The following RCSD1 variants were observed in gnomAD, a reference collection of about 807,000 sequenced individuals.
RCSD1 encodes the protein RCSD domain containing 1.
RCSD1 carries 26 observed loss-of-function variants against 42.5 expected under a neutral mutation model. The observed-to-expected ratio is 0.61, with a 90% CI of 0.45 to 0.85. The LOEUF (loss-of-function observed/expected upper bound fraction) is 0.85. Among genes scored for constraint, RCSD1 ranks in the 40% least tolerant of loss-of-function variants. The probability of loss-of-function intolerance (pLI) is 0.00; values close to 1 mark genes in which losing one functional copy is unlikely to be tolerated. For missense variants in RCSD1, 571 were observed against 528.3 expected (o/e 1.08, Z -0.79); for synonymous variants, 220 against 212.2 (o/e 1.04, Z -0.32).
At chr1:167,696,400 A>T (rs1659498350) in intron 5 of RCSD1, among the ~76,000 whole-genome samples, 1 of 152,062 alleles carries the variant, frequency 6.6e-6, no homozygotes, top group Non-Finnish European at 1.5e-5. Context: ...AAGATGGTAA[A>T]ACTTAGTCAA....
chr1:167,645,574 A>G (rs991477365), intron 1 of RCSD1, among the ~76,000 whole-genome samples: 4 of 152,214 alleles, frequency 2.6e-5, no homozygotes, highest in Admixed American at 2.0e-4. Flanking sequence ...AGAGGGTGAC[A>G]TCAGAGTGGC....
At chr1:167,640,208 A>C (rs1657971138) in intron 1 of RCSD1, among the ~76,000 whole-genome samples, 2 of 152,150 alleles carry the variant, frequency 1.3e-5, no homozygotes. Flanking sequence ...AAACAACAGA[A>C]ACGTCTCCTT....
chr1:167,652,876 T>C (rs544706175), intron 1 of RCSD1, among the ~76,000 whole-genome samples: 1 of 152,374 alleles, frequency 6.6e-6, no homozygotes, highest in East Asian at 1.9e-4. Flanking sequence ...TTTAGATGGC[T>C]TCTAATTTTT....
At chr1:167,680,087 G>A (rs1157333469) in intron 1 of RCSD1, among the ~76,000 whole-genome samples, 2 of 152,110 alleles carry the variant, frequency 1.3e-5, no homozygotes, top group Non-Finnish European at 2.9e-5. Context: ...TGGCCCAGCT[G>A]GAAGGTAGCA....
chr1:167,660,208 G>A (rs538075096), intron 1 of RCSD1, among the ~76,000 whole-genome samples: 154 of 152,250 alleles, frequency 1.0e-3, no homozygotes, highest in African/African-American at 3.6e-3. Flanking sequence ...CTCACTTTTA[G>A]ATGAGGCCCC....
intron 1 of RCSD1, among the ~76,000 whole-genome samples, chr1:167,681,842 G>A (rs1001992226): frequency 4.6e-5 from 7 of 152,118 alleles, no homozygotes; most frequent in African/African-American, 1.4e-4. Context: ...CCTCTCTCTC[G>A]TTGTTCCATT....
intron 3 of RCSD1, among the ~76,000 whole-genome samples, chr1:167,686,535 GA>G (rs756762695): frequency 6.6e-6 from 1 of 152,202 alleles, no homozygotes; most frequent in East Asian, 1.9e-4. Context: ...GGCCAAGTGA[GA>G]TGGGGGAGGG....
At chr1:167,696,295 G>A (rs1343460555) in intron 5 of RCSD1, among the ~76,000 whole-genome samples, 1 of 151,830 alleles carries the variant, frequency 6.6e-6, no homozygotes, top group African/African-American at 2.4e-5. Context: ...CTTTTTTACT[G>A]GATAGGAAGC....
Position 167,704,882 on chromosome 1 carries a change from G to A in RCSD1, c.*186G>A. On this transcript the variant is annotated 3_prime_UTR_variant, in exon 7 of 7. Transcript: ENST00000367854. Reference sequence around the variant, plus strand: ...CACACCAAACGTTCCCTTGCAGATGGAGACTGAATCTGAGGGCAGCAGACT... The same window carrying A: ...CACACCAAACGTTCCCTTGCAGATGAAGACTGAATCTGAGGGCAGCAGACT... 1.7e-6 allele frequency: 1 copy of A among 571,988 alleles called. No homozygotes were observed. Among genetic ancestry groups the A allele is most frequent in the Middle Eastern group, 4.4e-4 (1 of 2,284 alleles). 35.4% of individuals were successfully genotyped at this position (571,988 alleles called of 1,614,324 possible).
chr1:167,679,818 G>T (rs746537287), intron 1 of RCSD1, among the ~76,000 whole-genome samples: 7 of 152,174 alleles, frequency 4.6e-5, no homozygotes, highest in Admixed American at 6.5e-5. Context: ...ACAGGGCAGA[G>T]CCTAGGAAGC....
rs1013208465 is a variant in RCSD1 at position 167,697,261 on chromosome 1, G to T, written c.637G>T (p.Ala213Ser). 5 of 1,614,140 alleles carry T rather than the reference G, an allele frequency of 3.1e-6. No homozygotes were observed. Among genetic ancestry groups the T allele is most frequent in the Non-Finnish European group, 4.2e-6 (5 of 1,180,038 alleles). The change falls in exon 6 of 7, where the codon GCC becomes TCC. Residue 213 changes from alanine to serine, a missense_variant. Ala to Ser is a moderately conservative substitution (Grantham distance 99). Coordinates refer to ENST00000367854, the MANE Select transcript of RCSD1 (RefSeq NM_052862.4). The part of the protein sequence containing the change: ...GDEVLPSKSK[A>S]PGSPLSSEGA... Reference sequence around the variant, plus strand: ...TGAAGTGTTGCCATCCAAGAGCAAGGCCCCAGGATCCCCTTTGTCCAGTGA... The same window carrying T: ...TGAAGTGTTGCCATCCAAGAGCAAGTCCCCAGGATCCCCTTTGTCCAGTGA...
At chr1:167,657,324 T>C (rs1658445825) in intron 1 of RCSD1, among the ~76,000 whole-genome samples, 2 of 152,228 alleles carry the variant, frequency 1.3e-5, no homozygotes, top group South Asian at 4.1e-4. Context: ...AAATCACCTA[T>C]GTTCCCATTC....
intron 1 of RCSD1, among the ~76,000 whole-genome samples, chr1:167,667,455 T>C (rs1365165526): frequency 2.6e-5 from 4 of 152,226 alleles, no homozygotes; most frequent in African/African-American, 9.6e-5. Flanking sequence ...TCTGAAAATA[T>C]CAAGCAGCAA....
At chr1:167,646,870 C>T (rs933949280) in intron 1 of RCSD1, among the ~76,000 whole-genome samples, 1 of 152,188 alleles carries the variant, frequency 6.6e-6, no homozygotes, top group African/African-American at 2.4e-5. Context: ...TGGCTCATGC[C>T]TGTAATCCCA....
chr1:167,668,292 A>T (rs1658709606), intron 1 of RCSD1, among the ~76,000 whole-genome samples: 1 of 151,978 alleles, frequency 6.6e-6, no homozygotes, highest in South Asian at 2.1e-4. Context: ...CTCCAGAAAA[A>T]AAAAAAACTC....
intron 1 of RCSD1, among the ~76,000 whole-genome samples, chr1:167,645,152 G>A (rs934530156): frequency 2.6e-5 from 4 of 152,170 alleles, no homozygotes; most frequent in African/African-American, 9.7e-5. Flanking sequence ...TATGCTACGT[G>A]ACATATTCAA....
chr1:167,630,880 G>T (rs1248687606), intron 1 of RCSD1, among the ~76,000 whole-genome samples: 1 of 152,188 alleles, frequency 6.6e-6, no homozygotes, highest in Non-Finnish European at 1.5e-5. Context: ...AGGCCAGCAC[G>T]TCTTCGTGGG....
At position 167,630,346 on chromosome 1, in the gene RCSD1, G is replaced by A. The variant is rs3738221; in HGVS notation, c.-78G>A. 0.15 allele frequency: 209,969 copies of A among 1,357,768 alleles called. 17,252 individuals are homozygous for A. The highest frequency in any genetic ancestry group is 0.22 in the Admixed American group (7,432 of 34,348). 84.1% of individuals were successfully genotyped at this position (1,357,768 alleles called of 1,614,324 possible). A position where few individuals can be genotyped will look rare whatever the true frequency, so the allele number is the denominator to read the frequency against. ...AGCCCGAAACTGGCCACGGCCGGGA[G>A]CGGAGGGGACAGCGGGGATCGTGAG... On this transcript the variant is annotated 5_prime_UTR_variant, in exon 1 of 7. Coordinates refer to ENST00000367854, the MANE Select transcript of RCSD1 (RefSeq NM_052862.4).
chr1:167,639,678 G>A (rs1657957137), intron 1 of RCSD1, among the ~76,000 whole-genome samples: 1 of 152,214 alleles, frequency 6.6e-6, no homozygotes, highest in Non-Finnish European at 1.5e-5. Flanking sequence ...TTTTTTAATA[G>A]AGACGGGGTT....
Sources: gnomAD v4.1 joint callset for allele counts (sites outside exome capture counted in the v4.1 genomes callset) on GRCh38, gnomAD v4.1.1 for gene constraint, MANE v1.5 for transcripts, NCBI Gene and HGNC (gene_info 2026-07-23, HGNC 2026-07-21) for gene names.